CSMD2: variants seen among roughly 807,000 people sequenced by gnomAD.
The protein encoded by CSMD2 is CUB and Sushi multiple domains 2.
Under a neutral mutation model 398.5 loss-of-function variants are expected in CSMD2, and 130 were observed. The observed-to-expected ratio is 0.33, with a 90% CI of 0.28 to 0.38. CSMD2 has a LOEUF of 0.38. Ranked by LOEUF, CSMD2 falls within the 10% of genes least tolerant of loss-of-function variation. The pLI, the probability that CSMD2 is intolerant of heterozygous loss-of-function variation, is 1.00. For synonymous variants in CSMD2, 1,828 were observed against 1,908.5 expected (o/e 0.96, Z 1.10); for missense variants, 3,829 against 4,764.9 (o/e 0.80, Z 5.78).
At chr1:33,943,041 T>C (rs1425438181) in intron 3 of CSMD2, among the ~76,000 whole-genome samples, 15 of 152,186 alleles carry the variant, frequency 9.9e-5, no homozygotes, top group Non-Finnish European at 2.2e-4. Context: ...AAATTCACCA[T>C]GGCCATGCCC....
chr1:33,788,705 C>T lies in CSMD2; in HGVS notation c.1558G>A (p.Gly520Ser), dbSNP rs1653853520. 1 of 1,606,598 alleles carries T rather than the reference C, an allele frequency of 6.2e-7. No individual in the cohort carries two copies. Among genetic ancestry groups the T allele is most frequent in the African/African-American group, 1.3e-5 (1 of 74,748 alleles). The part of the protein sequence containing the change: ...DQKTVLYILT[G>S]TSVPDLIVST... ...ACAATGAGATCCGGGACCGATGTAC[C>T]TGTCAGGCTGGCAGGAGAGAGATAT... Residue 520 changes from glycine (G) to serine (S), a missense_variant, in exon 12 of 71, where the codon GGT (glycine) becomes AGT (serine). Around this residue, in one of 5 missense-constraint regions of CSMD2, gnomAD observed 2,001 missense variants for 2,567.1 expected, o/e 0.78. Transcript: ENST00000373381.
intron 2 of CSMD2, among the ~76,000 whole-genome samples, chr1:34,083,823 G>A (rs1657542449): frequency 6.6e-6 from 1 of 152,176 alleles, no homozygotes; most frequent in Non-Finnish European, 1.5e-5. Flanking sequence ...TGGGGCTGAA[G>A]TGGGGGAAGT....
intron 25 of CSMD2, among the ~76,000 whole-genome samples, chr1:33,681,875 A>C (rs568044043): frequency 6.6e-6 from 1 of 152,344 alleles, no homozygotes; most frequent in African/African-American, 2.4e-5. Flanking sequence ...CTGAGGTCGG[A>C]GAATCACTTG....
rs1452074907 is a variant in CSMD2, at chr1:34,163,424, G to T, written c.187+1487C>A. On this transcript the variant is annotated intron_variant, in intron 1 of 70. Transcript: ENST00000373381. The surrounding 1 kb of genome is among the most constrained non-coding windows in gnomAD (Gnocchi z 5.4). ...CCGTCAGCTAGGAATGAGAGAGCCA[G>T]AGCTGGCTCGGGGCGCCCTCCCTGA... Among the ~76,000 whole-genome samples, 2 of 152,224 alleles carry T rather than the reference G, an allele frequency of 1.3e-5. No individual in the cohort carries two copies. The highest frequency in any genetic ancestry group is 2.9e-5 in the Non-Finnish European group (2 of 68,054).
intron 13 of CSMD2, among the ~76,000 whole-genome samples, chr1:33,755,615 C>A (rs79310022): frequency 0.054 from 8,163 of 152,146 alleles, 307 homozygotes; most frequent in Middle Eastern, 0.11. Context: ...TAATCCAGTC[C>A]AAAAACCATA....
intron 3 of CSMD2, among the ~76,000 whole-genome samples, chr1:33,967,320 C>T (rs1312385063): frequency 1.3e-5 from 2 of 151,794 alleles, no homozygotes; most frequent in Admixed American, 1.3e-4. Context: ...CTGGGAATGT[C>T]AGGTTCTCAG....
intron 13 of CSMD2, among the ~76,000 whole-genome samples, chr1:33,751,146 T>G: frequency 6.7e-6 from 1 of 149,114 alleles, no homozygotes; most frequent in Admixed American, 6.7e-5. Context: ...AATAAAGAGG[T>G]GAAAAAACAT....
intron 2 of CSMD2, among the ~76,000 whole-genome samples, chr1:34,061,794 C>T (rs1268783046): frequency 6.6e-6 from 1 of 152,104 alleles, no homozygotes; most frequent in Admixed American, 6.5e-5. Context: ...GCAATGCATC[C>T]CCATCATCAC....
intron 26 of CSMD2, among the ~76,000 whole-genome samples, chr1:33,658,622 G>A (rs947989346): frequency 1.3e-5 from 2 of 151,228 alleles, no homozygotes; most frequent in Non-Finnish European, 2.9e-5. Flanking sequence ...AGCACTTTGG[G>A]AGGTCAAGGC....
chr1:34,013,068 C>T (rs74070217), intron 3 of CSMD2, among the ~76,000 whole-genome samples: 1,983 of 152,314 alleles, frequency 0.013, 44 homozygotes, highest in African/African-American at 0.043. Flanking sequence ...TAGGTGTGAA[C>T]GCTAGCAAGC....
At chr1:33,641,555 C>T (rs1044654394) in intron 29 of CSMD2, among the ~76,000 whole-genome samples, 3 of 152,174 alleles carry the variant, frequency 2.0e-5, no homozygotes, top group Non-Finnish European at 4.4e-5. Context: ...GGTAAAGCCA[C>T]CCAGGAGGAT....
intron 3 of CSMD2, among the ~76,000 whole-genome samples, chr1:34,015,607 G>A (rs1004444047): frequency 1.3e-5 from 2 of 152,186 alleles, no homozygotes; most frequent in Non-Finnish European, 2.9e-5. Flanking sequence ...GGGTTCCAGA[G>A]ATGCTGGAGC....
chr1:33,916,970 C>A (rs937166763), intron 5 of CSMD2, among the ~76,000 whole-genome samples: 3 of 152,146 alleles, frequency 2.0e-5, no homozygotes, highest in Admixed American at 6.5e-5. Context: ...CTCCTCCCTA[C>A]TCCCACTGAC....
chr1:33,925,235 G>A (rs868847672), intron 4 of CSMD2, among the ~76,000 whole-genome samples: 4 of 152,218 alleles, frequency 2.6e-5, no homozygotes, highest in African/African-American at 7.2e-5. Flanking sequence ...TATATGGTGA[G>A]AGATGGGTGT....
At chr1:34,058,233 C>T (rs917207046) in intron 2 of CSMD2, among the ~76,000 whole-genome samples, 7 of 152,078 alleles carry the variant, frequency 4.6e-5, no homozygotes, top group African/African-American at 1.4e-4. Context: ...TGTGTCACCC[C>T]GGGCAGGTCA....
At chr1:34,021,879 C>T (rs1015232936) in intron 3 of CSMD2, among the ~76,000 whole-genome samples, 3 of 152,284 alleles carry the variant, frequency 2.0e-5, no homozygotes, top group African/African-American at 4.8e-5. Context: ...CATATTTCAT[C>T]GGTTCTAGGG....
chr1:33,759,111 A>G lies in CSMD2; in HGVS notation c.1846+13458T>C, dbSNP rs143329534. ...ATAAAAAGTGACATCGCTCTTCTGG[A>G]TAAGGTGGTTAGAGATGGTCTCTCT... is the stretch of plus-strand genomic sequence containing the variant. On this transcript the variant is annotated intron_variant, in intron 13 of 70. Transcript: ENST00000373381. Among the ~76,000 whole-genome samples, 274 of 152,328 alleles carry G rather than the reference A, an allele frequency of 1.8e-3. 1 individual carries two copies. Among genetic ancestry groups the G allele is most frequent in the African/African-American group, 6.0e-3 (250 of 41,574 alleles).
chr1:33,691,510 A>G (rs1458469788), intron 25 of CSMD2, among the ~76,000 whole-genome samples: 1 of 152,190 alleles, frequency 6.6e-6, no homozygotes, highest in East Asian at 1.9e-4. Flanking sequence ...TACATAAGTG[A>G]ATATCTATAT....
chr1:34,082,047 C>T (rs1657228470), intron 2 of CSMD2, among the ~76,000 whole-genome samples: 1 of 151,588 alleles, frequency 6.6e-6, no homozygotes, highest in Non-Finnish European at 1.5e-5. Flanking sequence ...CTCTTCCCGG[C>T]CGTCATCCCG....
Sources: gnomAD v4.1 joint callset for allele counts (sites outside exome capture counted in the v4.1 genomes callset) on GRCh38, gnomAD v4.1.1 for gene constraint, gnomAD v4.1.1 regional missense constraint, Gnocchi (gnomAD v3.1) non-coding constraint, MANE v1.5 for transcripts, NCBI Gene and HGNC (gene_info 2026-07-23, HGNC 2026-07-21) for gene names.